The following PCDHGA3 variants were observed in gnomAD, a reference collection of about 807,000 sequenced individuals.
PCDHGA3 encodes the protein protocadherin gamma subfamily A, 3.
Under a neutral mutation model 58.5 loss-of-function variants are expected in PCDHGA3, and 40 were observed. The observed-to-expected ratio is 0.68, with a 90% CI of 0.53 to 0.89. PCDHGA3 has a LOEUF of 0.89. Ranked by LOEUF, PCDHGA3 falls within the 40% of genes least tolerant of loss-of-function variation. The probability of loss-of-function intolerance (pLI) is 0.00; values close to 1 mark genes in which losing one functional copy is unlikely to be tolerated. For synonymous variants in PCDHGA3, 530 were observed against 525.7 expected (o/e 1.01, Z -0.11); for missense variants, 1,223 against 1,195.9 (o/e 1.02, Z -0.33).
intron 1 of PCDHGA3, chr5:141,394,832 C>G: frequency 1.9e-6 from 3 of 1,613,828 alleles, no homozygotes; most frequent in Non-Finnish European, 2.5e-6. Context: ...AAGTCCTGAC[C>G]GAGTTGGGCA....
chr5:141,389,303 G>A (rs773665051), intron 1 of PCDHGA3: 4 of 1,613,882 alleles, frequency 2.5e-6, no homozygotes, highest in Non-Finnish European at 3.4e-6. Context: ...CACAAGTCAG[G>A]GCTTCTGATC....
Position 141,410,441 on chromosome 5 carries a change from A to T in PCDHGA3, c.2424+63984A>T. ...AGTTCCCCCCAACTACAGTGAGGGGACTTTGCCTTATTCTTATAATCTGTG... is the reference window on the plus strand; with the variant it reads ...AGTTCCCCCCAACTACAGTGAGGGGTCTTTGCCTTATTCTTATAATCTGTG... On this transcript the variant is annotated intron_variant, in intron 1 of 3. Transcript: ENST00000253812. 2 of 1,613,946 alleles carry T rather than the reference A, an allele frequency of 1.2e-6. 1 individual carries two copies. The highest frequency in any genetic ancestry group is 2.2e-5 in the South Asian group (2 of 91,074).
chr5:141,361,492 C>G, intron 1 of PCDHGA3: 1 of 1,614,018 alleles, frequency 6.2e-7, no homozygotes, highest in Non-Finnish European at 8.5e-7. Context: ...CCCAGTTTTC[C>G]AACAGACTTC....
chr5:141,456,888 G>A (rs376401806), intron 1 of PCDHGA3, among the ~76,000 whole-genome samples: 5 of 152,118 alleles, frequency 3.3e-5, no homozygotes, highest in Admixed American at 1.3e-4. Context: ...GCTTGAACCC[G>A]GGAGGCAGAG....
At chr5:141,364,103 C>CT (rs1452729364) in intron 1 of PCDHGA3, 1 of 411,008 alleles carries the variant, frequency 2.4e-6, no homozygotes, top group African/African-American at 2.1e-5. Flanking sequence ...GATGCAGTCA[C>CT]TGGTTAGGAC....
intron 1 of PCDHGA3, chr5:141,408,082 G>C (rs890768118): frequency 2.1e-6 from 3 of 1,417,248 alleles, no homozygotes; most frequent in Non-Finnish European, 1.9e-6. Flanking sequence ...TCCCAGCACA[G>C]CGGATTGCCA....
At chr5:141,362,185 C>T (rs779283904) in intron 1 of PCDHGA3, 15 of 1,613,904 alleles carry the variant, frequency 9.3e-6, no homozygotes, top group Admixed American at 3.3e-5. Context: ...GCCCTCTGAC[C>T]CCCAGGCAAA....
chr5:141,469,573 CTAAA>C (rs1209972534), intron 1 of PCDHGA3, among the ~76,000 whole-genome samples: 2 of 151,554 alleles, frequency 1.3e-5, no homozygotes, highest in Non-Finnish European at 2.9e-5. Flanking sequence ...GACTCTGTCT[CTAAA>C]TAAATAAATA....
chr5:141,357,725 T>C (rs1760714426), intron 1 of PCDHGA3: 3 of 1,394,618 alleles, frequency 2.2e-6, no homozygotes, highest in Middle Eastern at 1.9e-4. Flanking sequence ...GTTGCCTCTT[T>C]TAATATTTTA....
chr5:141,491,048 C>G lies in PCDHGA3; in HGVS notation c.2425-3759C>G. On this transcript the variant is annotated intron_variant, in intron 1 of 3. Coordinates refer to ENST00000253812, the MANE Select transcript of PCDHGA3 (RefSeq NM_018916.4). The surrounding 1 kb of genome is among the most constrained non-coding windows in gnomAD (Gnocchi z 6.9). ...GTGGATGCTGATGCAGGCCACAATGCGTGGCTCTCCTACTCACTGTTGCCA... is the reference window on the plus strand; with the variant it reads ...GTGGATGCTGATGCAGGCCACAATGGGTGGCTCTCCTACTCACTGTTGCCA... 1.2e-6 allele frequency: 2 copies of G among 1,614,066 alleles called. No individual in the cohort carries two copies. Among genetic ancestry groups the G allele is most frequent in the Non-Finnish European group, 8.5e-7 (1 of 1,179,952 alleles).
Position 141,346,268 on chromosome 5 carries a change from G to T in PCDHGA3, c.2235G>T (p.Gly745=). 6.2e-7 allele frequency: 1 copy of T among 1,614,196 alleles called. No homozygotes were observed. Among genetic ancestry groups the T allele is most frequent in the South Asian group, 1.1e-5 (1 of 91,088 alleles). The part of the protein sequence containing the change: ...TPGSHFVGAD[G]VRAFLQTYSH... ...GCTCGCACTTTGTGGGCGCGGACGG[G>T]GTTCGGGCTTTCCTGCAGACCTATT... Residue 745 remains glycine (G), a synonymous_variant, in exon 1 of 4, where the codon GGG becomes GGT. Coordinates refer to ENST00000253812, the MANE Select transcript of PCDHGA3 (RefSeq NM_018916.4).
At position 141,419,169 on chromosome 5, in the gene PCDHGA3, C is replaced by T. The variant is rs746258255; in HGVS notation, c.2424+72712C>T. 73 of 1,613,970 alleles carry T rather than the reference C, an allele frequency of 4.5e-5. No homozygotes were observed. The highest frequency in any genetic ancestry group is 3.3e-4 in the Middle Eastern group (2 of 6,062). The stretch of plus-strand genomic sequence containing the variant: ...AAGCCTCCGTTATCCTCCAGCAAAA[C>T]CATAACCCTGCACATTACTGACGTC... On this transcript the variant is annotated intron_variant, in intron 1 of 3. Coordinates refer to ENST00000253812, the MANE Select transcript of PCDHGA3 (RefSeq NM_018916.4).
At chr5:141,399,341 C>T in intron 1 of PCDHGA3, 2 of 1,613,938 alleles carry the variant, frequency 1.2e-6, no homozygotes, top group Non-Finnish European at 1.7e-6. Context: ...ACAGATGGAA[C>T]CCTAGACCGA....
intron 1 of PCDHGA3, among the ~76,000 whole-genome samples, chr5:141,435,099 TA>T (rs892317840): frequency 2.0e-5 from 3 of 152,260 alleles, no homozygotes; most frequent in African/African-American, 7.2e-5. Context: ...TCTGTTTATC[TA>T]GGGGGGAGAA....
intron 1 of PCDHGA3, chr5:141,422,541 T>G: frequency 6.2e-7 from 1 of 1,613,992 alleles, no homozygotes; most frequent in Non-Finnish European, 8.5e-7. Context: ...CAGAAACTCA[T>G]GTCTGGCTGA....
Position 141,431,599 on chromosome 5 carries a change from C to T in PCDHGA3, c.2425-63208C>T. On this transcript the variant is annotated intron_variant, in intron 1 of 3. Transcript: ENST00000253812. The surrounding 1 kb of genome is among the most constrained non-coding windows in gnomAD (Gnocchi z 4.8). ...GAGTCAATGCGGAAGTGAGGTATTC[C>T]TTCCGGTATGTGGACGACAAGGCGG... 1 of 1,614,194 alleles carries T rather than the reference C, an allele frequency of 6.2e-7. No individual in the cohort carries two copies. The highest frequency in any genetic ancestry group is 8.5e-7 in the Non-Finnish European group (1 of 1,180,034).
intron 1 of PCDHGA3, chr5:141,375,945 T>C (rs770100512): frequency 1.2e-6 from 2 of 1,613,448 alleles, no homozygotes; most frequent in Non-Finnish European, 8.5e-7. Context: ...TCAGTGGGCC[T>C]GCACACGGGC....
At chr5:141,423,100 G>A in intron 1 of PCDHGA3, 1 of 1,613,944 alleles carries the variant, frequency 6.2e-7, no homozygotes, top group Non-Finnish European at 8.5e-7. Context: ...GGAGCACACG[G>A]GCGAGGTGCG....
At chr5:141,399,497 T>C in intron 1 of PCDHGA3, 1 of 1,614,030 alleles carries the variant, frequency 6.2e-7, no homozygotes, top group Non-Finnish European at 8.5e-7. Flanking sequence ...TTAGTCAGTG[T>C]ACCCGAAAAC....
Sources: allele counts gnomAD v4.1 joint callset (sites outside exome capture counted in the v4.1 genomes callset), GRCh38; gene constraint gnomAD v4.1.1; non-coding constraint Gnocchi (gnomAD v3.1); transcripts MANE v1.5; gene names NCBI Gene and HGNC (gene_info 2026-07-23, HGNC 2026-07-21).